The following NT5DC4 variants were observed in gnomAD, a reference collection of about 807,000 sequenced individuals.
NT5DC4 encodes the protein 5'-nucleotidase domain-containing protein 4.
NT5DC4 carries 44 observed loss-of-function variants against 26.6 expected under a neutral mutation model. The ratio of observed to expected loss-of-function variants is 1.65; its 90% confidence interval spans 1.30 to 2.13. The LOEUF (loss-of-function observed/expected upper bound fraction) is 2.13, where lower values mean the gene tolerates loss of function less well. Among genes scored for constraint, NT5DC4 ranks in the 30% most tolerant of loss-of-function variants. The probability of loss-of-function intolerance (pLI) is 0.00; values close to 1 mark genes in which losing one functional copy is unlikely to be tolerated. For missense variants in NT5DC4, 399 were observed against 228.1 expected (o/e 1.75, Z -4.83); for synonymous variants, 157 against 86.7 (o/e 1.81, Z -4.51).
At chr2:112,719,956 T>TTCTC (rs1398711586), upstream of NT5DC4, among the ~76,000 whole-genome samples, 1 of 127,426 alleles carries the variant, frequency 7.8e-6, no homozygotes, top group African/African-American at 3.1e-5. Context: ...CTTTCTTTCT[T>TTCTC]TCTTTCTTTC....
At chr2:112,733,041 T>A (rs1558741418) in intron 16 of NT5DC4, among the ~76,000 whole-genome samples, 1 of 152,184 alleles carries the variant, frequency 6.6e-6, no homozygotes, top group South Asian at 2.1e-4. Context: ...GTCACCCAGT[T>A]TATTATTACT....
At chr2:112,734,101 G>C (rs1678778339) in intron 16 of NT5DC4, among the ~76,000 whole-genome samples, 1 of 151,766 alleles carries the variant, frequency 6.6e-6, no homozygotes, top group South Asian at 2.1e-4. Context: ...TAAGGATATA[G>C]TGAGATAACG....
At chr2:112,741,577 T>A (rs1398681594), downstream of NT5DC4, among the ~76,000 whole-genome samples, 1 of 152,342 alleles carries the variant, frequency 6.6e-6, no homozygotes, top group Admixed American at 6.5e-5. Flanking sequence ...GTGAGGTCAA[T>A]AGGGTGCAAC....
downstream of NT5DC4, chr2:112,740,731 CAGTT>C (rs1213044137): frequency 2.8e-6 from 3 of 1,086,696 alleles, no homozygotes; most frequent in Non-Finnish European, 4.1e-6. Flanking sequence ...GGTCAGGTCT[CAGTT>C]ACTCTAGATC....
chr2:112,740,953 A>T, downstream of NT5DC4: 1 of 1,614,020 alleles, frequency 6.2e-7, no homozygotes, highest in African/African-American at 1.3e-5. Flanking sequence ...CTTCTTGGCC[A>T]GCTCTTCCAC....
rs144642601 is a variant in NT5DC4, at chr2:112,738,767, T to A, written c.1345-146T>A. 722 of 1,194,792 alleles carry A rather than the reference T, an allele frequency of 6.0e-4. 8 individuals are homozygous for A. The East Asian group carries it at 0.014, about 22-fold the overall frequency. 74.0% of individuals were successfully genotyped at this position (1,194,792 alleles called of 1,614,324 possible). ...TTTTTCCAGGTCACTTGGACAAGAA[T>A]ATTTCTTGTCTTATGTTGGTTCTGA... On this transcript the variant is annotated intron_variant, in intron 16 of 16. Transcript: ENST00000688554.
Position 112,721,122 on chromosome 2 carries a change from C to T in NT5DC4, c.43C>T (p.Pro15Ser), listed in dbSNP as rs1459644552. The change falls in exon 1 of 17, where the codon CCT (proline) becomes TCT (serine). Residue 15 changes from proline to serine, a missense_variant. Physicochemically the swap from Pro to Ser is moderately conservative, Grantham distance 74 (BLOSUM62 -1). Coordinates refer to ENST00000688554, the MANE Select transcript of NT5DC4 (RefSeq NM_001393655.1). ...DWREPEGLVS[P>S]QGPKQDWHQR... The stretch of plus-strand genomic sequence containing the variant: ...GAGAGAGCCGGAGGGACTGGTCTCC[C>T]CTCAAGGCCCGAAGCAGGACTGGCA... Among the ~76,000 whole-genome samples the T allele has an allele frequency of 1.3e-5, 2 of 152,128 alleles. No individual in the cohort carries two copies. Among genetic ancestry groups the T allele is most frequent in the Non-Finnish European group, 2.9e-5 (2 of 68,024 alleles).
intron 10 of NT5DC4, 173 bp downstream of exon 10, chr2:112,724,299 TG>T: frequency 3.1e-6 from 2 of 644,170 alleles, no homozygotes; most frequent in Non-Finnish European, 5.7e-6. Context: ...GGTAGGAGCC[TG>T]GTGACCTCAG....
intron 16 of NT5DC4, among the ~76,000 whole-genome samples, chr2:112,735,019 A>G (rs1316406843): frequency 2.1e-5 from 3 of 144,598 alleles, no homozygotes; most frequent in South Asian, 2.2e-4. Context: ...AAGGGAGTAC[A>G]TGCCAGGGAG....
intron 15 of NT5DC4, 32 bp downstream of exon 15, chr2:112,726,770 C>T (rs1474149529): frequency 1.4e-6 from 1 of 717,352 alleles, no homozygotes; most frequent in Non-Finnish European, 2.6e-6. Flanking sequence ...AAGGGACAGG[C>T]CCAGCAGGGG....
In NT5DC4 at chr2:112,722,038, C is replaced by T. The variant is rs115950000; in HGVS notation, c.201C>T (p.Arg67=). The part of the protein sequence containing the change: ...EALTFELLLE[R]LVCIGYPHEI... ...TGACCTTCGAGCTGCTGCTGGAGCG[C>T]CTGGTGTGCATTGGGTACCCGCATG... Residue 67 remains arginine, a synonymous_variant, in exon 3 of 17, where the codon CGC becomes CGT. Coordinates refer to ENST00000688554, the MANE Select transcript of NT5DC4 (RefSeq NM_001393655.1). 4.2e-3 allele frequency: 2,980 copies of T among 717,212 alleles called. 28 individuals are homozygous for T. The highest frequency in any genetic ancestry group is 0.027 in the African/African-American group (1,554 of 57,366). The allele number at this position is 717,212 out of a possible 1,614,324, so 44.4% of individuals were successfully genotyped here. A position where few individuals can be genotyped will look rare whatever the true frequency, so the allele number is the denominator to read the frequency against.
intron 16 of NT5DC4, chr2:112,738,637 C>T: frequency 1.7e-6 from 1 of 596,050 alleles, no homozygotes; most frequent in South Asian, 2.1e-5. Flanking sequence ...TGGTCTTAAA[C>T]ACATAAAGCA....
downstream of NT5DC4, among the ~76,000 whole-genome samples, chr2:112,742,222 C>A (rs555364441): frequency 1.1e-4 from 16 of 152,158 alleles, no homozygotes; most frequent in Non-Finnish European, 2.1e-4. Flanking sequence ...TAATGTCACT[C>A]GTGTTTGGCA....
intron 16 of NT5DC4, among the ~76,000 whole-genome samples, chr2:112,732,583 CCCATA>C (rs1678617840): frequency 6.6e-6 from 1 of 152,194 alleles, no homozygotes; most frequent in African/African-American, 2.4e-5. Context: ...GACCCTAGAG[CCCATA>C]CTTTTCCGGA....
At chr2:112,729,757 T>G in intron 16 of NT5DC4, 53 bp downstream of exon 16, 1 of 716,516 alleles carries the variant, frequency 1.4e-6, no homozygotes, top group Non-Finnish European at 2.6e-6. Flanking sequence ...TGGGCTAGAG[T>G]AGTGGTTCCC....
chr2:112,731,541 A>C (rs1678483052), intron 16 of NT5DC4: 1 of 152,234 alleles, frequency 6.6e-6, no homozygotes, highest in Non-Finnish European at 1.5e-5. Flanking sequence ...GAAAGATGTT[A>C]AATGAGATAG....
At chr2:112,732,190 C>T (rs1006290250) in intron 16 of NT5DC4, among the ~76,000 whole-genome samples, 8 of 148,702 alleles carry the variant, frequency 5.4e-5, no homozygotes, top group African/African-American at 1.5e-4. Context: ...GGATTACAGG[C>T]GAGAGCCACC....
intron 13 of NT5DC4, 68 bp downstream of exon 13, chr2:112,725,620 T>C: frequency 1.7e-6 from 1 of 600,960 alleles, no homozygotes; most frequent in Non-Finnish European, 3.1e-6. Context: ...CAGCACTGCC[T>C]TCTCCTTTTT....
downstream of NT5DC4, chr2:112,742,597 G>T: frequency 1.3e-6 from 1 of 785,858 alleles, no homozygotes; most frequent in Non-Finnish European, 2.2e-6. Flanking sequence ...AAACCAAGAA[G>T]TGAGAAGCAT....
Sources: gnomAD v4.1 joint callset for allele counts (sites outside exome capture counted in the v4.1 genomes callset) on GRCh38, gnomAD v4.1.1 for gene constraint, MANE v1.5 for transcripts, NCBI Gene and HGNC (gene_info 2026-07-23, HGNC 2026-07-21) for gene names.